STAT3: variants seen among roughly 807,000 people sequenced by gnomAD.
STAT3 encodes signal transducer and activator of transcription 3, also known as DNA-binding protein APRF.
In STAT3, 7 loss-of-function variants were observed where a neutral mutation model predicts 114.3. The ratio of observed to expected loss-of-function variants is 0.06; its 90% confidence interval spans 0.03 to 0.11. STAT3 has a LOEUF of 0.11. Among genes scored for constraint, STAT3 ranks in the 10% least tolerant of loss-of-function variants. The probability of loss-of-function intolerance (pLI) is 1.00; values close to 1 mark genes in which losing one functional copy is unlikely to be tolerated. For missense variants in STAT3, 364 were observed against 960.9 expected, an observed-to-expected ratio of 0.38 and a Z score of 8.21; for synonymous variants, 331 against 354.5, an observed-to-expected ratio of 0.93 and a Z score of 0.74.
Position 42,346,668 on chromosome 17 carries a change from A to G in STAT3, c.174T>C (p.His58=), listed in dbSNP as rs1252733966. ...SKESHATLVF[H]NLLGEIDQQY... ...GCTGGTCAATCTCTCCCAGGAGATTATGAAACACCAAAGTGGCATGTGATT... is the reference window on the plus strand; with the variant it reads ...GCTGGTCAATCTCTCCCAGGAGATTGTGAAACACCAAAGTGGCATGTGATT... The change falls in exon 3 of 24, where the codon CAT becomes CAC. Residue 58 remains histidine (H), a synonymous_variant. Transcript: ENST00000264657. The G allele has an allele frequency of 6.2e-7, 1 of 1,614,080 alleles. No individual in the cohort carries two copies. The highest frequency in any genetic ancestry group is 2.2e-5 in the East Asian group (1 of 44,898).
intron 1 of STAT3, among the ~76,000 whole-genome samples, chr17:42,381,011 C>A (rs1469379477): frequency 6.6e-6 from 1 of 152,220 alleles, no homozygotes; most frequent in Non-Finnish European, 1.5e-5. Flanking sequence ...TTGCTTCATC[C>A]TCTCAATTAC....
chr17:42,364,762 C>T (rs1381687980), intron 1 of STAT3, among the ~76,000 whole-genome samples: 2 of 152,156 alleles, frequency 1.3e-5, no homozygotes, highest in Admixed American at 1.3e-4. Context: ...GGGTTACAGG[C>T]GTGAGCCACT....
rs1260262107 is a variant in STAT3 at position 42,315,551 on chromosome 17, C to G, written c.*194G>C. On this transcript the variant is annotated 3_prime_UTR_variant, in exon 24 of 24. Coordinates refer to ENST00000264657, the MANE Select transcript of STAT3 (RefSeq NM_139276.3). The stretch of plus-strand genomic sequence containing the variant: ...TATTTGCATTTAGATAAAAGCAGAT[C>G]ACCCACATTCACTCATTTCTCTATT... 3 of 645,386 alleles carry G rather than the reference C, an allele frequency of 4.6e-6. No homozygotes were observed. Among genetic ancestry groups the G allele is most frequent in the Admixed American group, 4.8e-5 (2 of 41,378 alleles). 40.0% of individuals were successfully genotyped at this position (645,386 alleles called of 1,614,324 possible). A position where few individuals can be genotyped will look rare whatever the true frequency, so the allele number is the denominator to read the frequency against.
At position 42,329,314 on chromosome 17, in the gene STAT3, G is replaced by C. The variant is rs776346239; in HGVS notation, c.1281+96C>G. 3.2e-6 allele frequency: 5 copies of C among 1,558,012 alleles called. No homozygotes were observed. In the African/African-American group the frequency reaches 4.1e-5, roughly 13 times the overall value. On this transcript the variant is annotated intron_variant, in intron 14 of 23. Transcript: ENST00000264657. ...GGAATAACTACAGCTGAAAGAACAG[G>C]TTGATGTTTCTAATTCTGGGGATTA...
At chr17:42,381,345 G>A (rs968253205) in intron 1 of STAT3, among the ~76,000 whole-genome samples, 1 of 152,190 alleles carries the variant, frequency 6.6e-6, no homozygotes, top group Admixed American at 6.5e-5. Flanking sequence ...GCTGGGGGTA[G>A]CAGGAAGGAA....
intron 1 of STAT3, among the ~76,000 whole-genome samples, chr17:42,380,456 T>C (rs2084720025): frequency 6.6e-6 from 1 of 150,464 alleles, no homozygotes; most frequent in Non-Finnish European, 1.5e-5. Flanking sequence ...ACGATCTCGG[T>C]TCACCGCAAC....
intron 1 of STAT3, chr17:42,374,001 C>A (rs1033809530): frequency 1.3e-5 from 2 of 152,036 alleles, no homozygotes; most frequent in African/African-American, 4.8e-5. Context: ...CCCAAGGAGA[C>A]AAGCTTTTCT....
chr17:42,333,714 G>C lies in STAT3; in HGVS notation c.1008C>G (p.Pro336=). 6.2e-7 allele frequency: 1 copy of C among 1,614,126 alleles called. No individual in the cohort carries two copies. The highest frequency in any genetic ancestry group is 8.5e-7 in the Non-Finnish European group (1 of 1,180,036). The change falls in exon 10 of 24, where the codon CCC becomes CCG. Residue 336 remains proline, a synonymous_variant. Coordinates refer to ENST00000264657, the MANE Select transcript of STAT3 (RefSeq NM_139276.3). This position sits in a 1 kb window ranked among gnomAD's most constrained non-coding sequence, Gnocchi z 5.2. Reference sequence around the variant, plus strand: ...ACTGGACGCCGGTCTTGATGACGAGGGGCCGGTCAGGATGCATGGGCATGC... The same window carrying C: ...ACTGGACGCCGGTCTTGATGACGAGCGGCCGGTCAGGATGCATGGGCATGC... ...QPCMPMHPDR[P]LVIKTGVQFT...
intron 1 of STAT3, among the ~76,000 whole-genome samples, chr17:42,386,031 C>T (rs940530289): frequency 6.6e-6 from 1 of 152,092 alleles, no homozygotes; most frequent in Non-Finnish European, 1.5e-5. Context: ...CCTGTAATCC[C>T]AGCACTTTGG....
chr17:42,356,475 T>G (rs1241604559), intron 1 of STAT3, among the ~76,000 whole-genome samples: 1 of 151,348 alleles, frequency 6.6e-6, no homozygotes, highest in Non-Finnish European at 1.5e-5. Context: ...AAAATTGACA[T>G]GTTGATGTAA....
chr17:42,322,857 G>A (rs1194503688), intron 20 of STAT3, 147 bp downstream of exon 20: 1 of 1,138,310 alleles, frequency 8.8e-7, no homozygotes, highest in East Asian at 2.4e-5. Context: ...GGATTTAGAA[G>A]TCACGCAAAT....
At chr17:42,359,710 T>C (rs893871377) in intron 1 of STAT3, among the ~76,000 whole-genome samples, 1 of 152,204 alleles carries the variant, frequency 6.6e-6, no homozygotes, top group Non-Finnish European at 1.5e-5. Context: ...GTAACAACCC[T>C]ATCAGATAGG....
chr17:42,332,022 G>A (rs1297380054), intron 10 of STAT3, among the ~76,000 whole-genome samples: 1 of 151,678 alleles, frequency 6.6e-6, no homozygotes, highest in Non-Finnish European at 1.5e-5. Flanking sequence ...CCGCCTCCTG[G>A]GTTCAAGTGA....
intron 1 of STAT3, among the ~76,000 whole-genome samples, chr17:42,383,492 T>G (rs529085768): frequency 1.7e-4 from 26 of 152,090 alleles, no homozygotes; most frequent in Non-Finnish European, 3.2e-4. Context: ...CATGAGCCAC[T>G]GCTCCTGGCC....
At chr17:42,316,217 T>A in intron 23 of STAT3, 1 of 488,108 alleles carries the variant, frequency 2.0e-6, no homozygotes, top group Non-Finnish European at 3.0e-6. Context: ...TAAAAAAAGG[T>A]CTCAACTTTT....
chr17:42,338,846 A>G (rs1014246788), intron 5 of STAT3, 34 bp from the exon 6 acceptor site: 3 of 1,548,738 alleles, frequency 1.9e-6, no homozygotes, highest in Non-Finnish European at 2.7e-6. Flanking sequence ...AAACAGAAGT[A>G]AAGAAAGATT....
chr17:42,315,790 G>A lies in STAT3; in HGVS notation c.2268C>T (p.Thr756=), dbSNP rs752248821. 7 of 1,614,096 alleles carry A rather than the reference G, an allele frequency of 4.3e-6. No homozygotes were observed. The highest frequency in any genetic ancestry group is 5.9e-6 in the Non-Finnish European group (7 of 1,180,024). The change falls in exon 24 of 24, where the codon ACC becomes ACT. Residue 756 remains threonine (T), a synonymous_variant. Coordinates refer to ENST00000264657, the MANE Select transcript of STAT3 (RefSeq NM_139276.3). Reference sequence around the variant, plus strand: ...ACTCCGAGGTCAACTCCATGTCAAAGGTGAGGGACTCTGGAGGGACAGACA... The same window carrying A: ...ACTCCGAGGTCAACTCCATGTCAAAAGTGAGGGACTCTGGAGGGACAGACA... ...PSAGGQFESL[T]FDMELTSECA...
At position 42,345,608 on chromosome 17, in the gene STAT3, C is replaced by T. The variant is rs780604324; in HGVS notation, c.323G>A (p.Cys108Tyr). 1 of 1,608,788 alleles carries T rather than the reference C, an allele frequency of 6.2e-7. No individual in the cohort carries two copies. Among genetic ancestry groups the T allele is most frequent in the Admixed American group, 1.7e-5 (1 of 59,764 alleles). The change falls in exon 4 of 24, where the codon TGC (cysteine) becomes TAC (tyrosine). Residue 108 changes from cysteine (C) to tyrosine (Y), a missense_variant. Transcript: ENST00000264657. ...PMEIARIVAR[C>Y]LWEESRLLQT... The stretch of plus-strand genomic sequence containing the variant: ...TAGAAGGCGTGATTCTTCCCACAGG[C>T]ACCGGGCCACAATCCGGGCAATCTC...
chr17:42,317,591 T>G, intron 21 of STAT3: 1 of 343,608 alleles, frequency 2.9e-6, no homozygotes, highest in Non-Finnish European at 5.6e-6. Flanking sequence ...GGCCTGGTCA[T>G]ATCTCTTAGA....
Sources: allele counts gnomAD v4.1 joint callset (sites outside exome capture counted in the v4.1 genomes callset), GRCh38; gene constraint gnomAD v4.1.1; non-coding constraint Gnocchi (gnomAD v3.1); transcripts MANE v1.5; gene names NCBI Gene and HGNC (gene_info 2026-07-23, HGNC 2026-07-21).